CAMKK1: variants seen among roughly 807,000 people sequenced by gnomAD.
CAMKK1 encodes calcium/calmodulin dependent protein kinase kinase 1, also known as calcium/calmodulin-dependent protein kinase kinase 1.
In CAMKK1, 20 loss-of-function variants were observed where a neutral mutation model predicts 63.5. That is an observed-to-expected ratio of 0.32 (90% CI 0.22 to 0.46). The LOEUF (loss-of-function observed/expected upper bound fraction) is 0.46, where lower values mean the gene tolerates loss of function less well. Ranked by LOEUF, CAMKK1 falls within the 20% of genes least tolerant of loss-of-function variation. The pLI is 1.00. For missense variants in CAMKK1, 588 were observed against 658.1 expected, an observed-to-expected ratio of 0.89 and a Z score of 1.17; for synonymous variants, 253 against 269.0, an observed-to-expected ratio of 0.94 and a Z score of 0.58.
rs1369814995 is a variant in CAMKK1 at position 3,892,478 on chromosome 17, G to GCGCCGC, written c.-44+455_-44+460dup. On this transcript the variant is annotated intron_variant, in intron 1 of 15. Coordinates refer to ENST00000348335, the MANE Select transcript of CAMKK1 (RefSeq NM_032294.3). The surrounding 1 kb of genome is among the most constrained non-coding windows in gnomAD (Gnocchi z 7.5). ...CAGGACCCTGCGCAGCCTGAGCCGC[G>GCGCCGC]CGCCGCCGCCGCCCCATTCATCTCC... 6.6e-6 allele frequency among the ~76,000 whole-genome samples: 1 copy of GCGCCGC among 152,086 alleles called. No homozygotes were observed. The highest frequency in any genetic ancestry group is 1.5e-5 in the Non-Finnish European group (1 of 67,990).
At chr17:3,869,045 G>C (rs539447664) in intron 14 of CAMKK1, among the ~76,000 whole-genome samples, 1 of 147,322 alleles carries the variant, frequency 6.8e-6, no homozygotes, top group South Asian at 2.2e-4. Context: ...CTCGGCTCAC[G>C]GCAAACTCCA....
Position 3,885,488 on chromosome 17 carries a change from C to T in CAMKK1, c.200G>A (p.Ser67Asn). 2.5e-6 allele frequency: 4 copies of T among 1,613,478 alleles called. No individual in the cohort carries two copies. In the South Asian group the frequency reaches 3.3e-5, roughly 13 times the overall value. ...STSRLLPARP[S>N]LSARKLSLQE... ...TAGGGAAAGCTTCCTGGCTGAGAGG[C>T]TAGGCCGGGCTGGGAGCAGTCTTGA... The change falls in exon 2 of 16, where the codon AGC (serine) becomes AAC (asparagine). Residue 67 changes from serine to asparagine, a missense_variant. Transcript: ENST00000348335.
intron 10 of CAMKK1, among the ~76,000 whole-genome samples, chr17:3,875,101 G>A (rs999840824): frequency 5.3e-5 from 8 of 152,038 alleles, no homozygotes; most frequent in African/African-American, 7.2e-5. Flanking sequence ...CAGCCTGGGC[G>A]ACAGAGCGAG....
chr17:3,891,567 G>T (rs2143917811), intron 1 of CAMKK1, among the ~76,000 whole-genome samples: 1 of 152,316 alleles, frequency 6.6e-6, no homozygotes, highest in Admixed American at 6.5e-5. Flanking sequence ...TCAGTATGAA[G>T]AACAGCAGGG....
chr17:3,876,461 G>C, intron 9 of CAMKK1, 39 bp from the exon 10 acceptor site: 1 of 1,569,322 alleles, frequency 6.4e-7, no homozygotes, highest in Non-Finnish European at 8.8e-7. Context: ...GCTGGCCTGG[G>C]CACCGCTGGC....
At chr17:3,869,970 G>A (rs1326136959) in intron 12 of CAMKK1, 82 bp from the exon 13 acceptor site, 14 of 1,152,940 alleles carry the variant, frequency 1.2e-5, no homozygotes, top group South Asian at 6.2e-5. Context: ...CGAAACCTTC[G>A]TCCCTCGGAT....
intron 14 of CAMKK1, among the ~76,000 whole-genome samples, chr17:3,869,172 T>C (rs1427984171): frequency 1.3e-5 from 2 of 151,170 alleles, no homozygotes; most frequent in Admixed American, 1.3e-4. Flanking sequence ...GTTTCAAGGA[T>C]GGTCTCGATC....
intron 14 of CAMKK1, 30 bp from the exon 15 acceptor site, chr17:3,866,041 C>T: frequency 6.2e-7 from 1 of 1,609,724 alleles, no homozygotes; most frequent in African/African-American, 1.3e-5. Context: ...GTGAGGAGCA[C>T]AGGTCCCAGG....
chr17:3,888,505 C>T (rs930662909), intron 1 of CAMKK1, among the ~76,000 whole-genome samples: 1 of 152,326 alleles, frequency 6.6e-6, no homozygotes, highest in Non-Finnish European at 1.5e-5. Context: ...TTTCCTCGCC[C>T]GCAAGATGGG....
At position 3,884,277 on chromosome 17, in the gene CAMKK1, G is replaced by C. The variant is rs547069560; in HGVS notation, c.408+103C>G. ...GAAACTGTCCTCACCTCCAGGCTAG[G>C]ACTTGCCTGGCTCTGCCTCCCGTTC... On this transcript the variant is annotated intron_variant, in intron 3 of 15. Transcript: ENST00000348335. The surrounding 1 kb of genome is among the most constrained non-coding windows in gnomAD (Gnocchi z 4.5). The C allele has an allele frequency of 7.0e-6, 9 of 1,289,838 alleles. No individual in the cohort carries two copies. The African/African-American group carries it at 1.2e-4, about 17-fold the overall frequency. 79.9% of individuals were successfully genotyped at this position (1,289,838 alleles called of 1,614,324 possible).
Position 3,882,487 on chromosome 17 carries a change from GC to G in CAMKK1, c.685+40del. ...ATGTCCCAAGGGAGCCCTTGGGCCA[GC>G]CCTGAGTGAGCTGCTGTGGGAATGA... On this transcript the variant is annotated intron_variant, in intron 7 of 15. Coordinates refer to ENST00000348335, the MANE Select transcript of CAMKK1 (RefSeq NM_032294.3). The surrounding 1 kb of genome is among the most constrained non-coding windows in gnomAD (Gnocchi z 4.3). The G allele has an allele frequency of 6.2e-7, 1 of 1,600,140 alleles. No homozygotes were observed. Among genetic ancestry groups the G allele is most frequent in the East Asian group, 2.2e-5 (1 of 44,446 alleles).
Position 3,885,388 on chromosome 17 carries a change from G to T in CAMKK1, c.300C>A (p.Ser100=), listed in dbSNP as rs1452742752. The change falls in exon 2 of 16, where the codon TCC becomes TCA. Residue 100 remains serine, a synonymous_variant. Transcript: ENST00000348335. Reference sequence around the variant, plus strand: ...TGGTGGGCCTCCGCCAGGCCCGGGGGGAGATGTGGCTGGCAGGCCCCGTGG... The same window carrying T: ...TGGTGGGCCTCCGCCAGGCCCGGGGTGAGATGTGGCTGGCAGGCCCCGTGG... ...PYATGPASHI[S]PRAWRRPTIE... 2 of 1,611,474 alleles carry T rather than the reference G, an allele frequency of 1.2e-6. No homozygotes were observed. The highest frequency in any genetic ancestry group is 4.5e-5 in the East Asian group (2 of 44,816).
At chr17:3,877,107 G>A (rs186351932) in intron 9 of CAMKK1, among the ~76,000 whole-genome samples, 25 of 152,160 alleles carry the variant, frequency 1.6e-4, no homozygotes, top group South Asian at 8.3e-4. Flanking sequence ...TGTGAGTGCC[G>A]TCTGCAGGCC....
intron 12 of CAMKK1, among the ~76,000 whole-genome samples, chr17:3,872,083 G>A (rs762660587): frequency 3.3e-5 from 5 of 152,220 alleles, no homozygotes; most frequent in African/African-American, 7.2e-5. Flanking sequence ...CAGAGACCTC[G>A]GTCACAATGG....
At chr17:3,880,180 A>C in intron 9 of CAMKK1, 166 bp downstream of exon 9, 78 of 558,696 alleles carry the variant, frequency 1.4e-4, no homozygotes, top group Middle Eastern at 5.0e-4. Flanking sequence ...CCCACCCCAC[A>C]AAAAGGCCTT....
At chr17:3,870,115 G>A (rs1051747286) in intron 12 of CAMKK1, among the ~76,000 whole-genome samples, 2 of 152,158 alleles carry the variant, frequency 1.3e-5, no homozygotes, top group African/African-American at 4.8e-5. Flanking sequence ...CACCCCAATG[G>A]GTGGCAAAGA....
Position 3,865,578 on chromosome 17 carries a change from A to G in CAMKK1, c.1445+330T>C, listed in dbSNP as rs1448365246. ...GGGGGCCACAGATTTGAAGCCCCAG[A>G]GGGGCTGGACCCAGTGAGAGAGTGA... is the stretch of plus-strand genomic sequence containing the variant. On this transcript the variant is annotated intron_variant, in intron 15 of 15. Transcript: ENST00000348335. 8 of 1,100,714 alleles carry G rather than the reference A, an allele frequency of 7.3e-6. No homozygotes were observed. The East Asian group carries it at 2.3e-4, about 32-fold the overall frequency. 68.2% of individuals were successfully genotyped at this position (1,100,714 alleles called of 1,614,324 possible).
Position 3,890,284 on chromosome 17 carries a change from C to T in CAMKK1, c.-44+2655G>A, listed in dbSNP as rs367659823. Among the ~76,000 whole-genome samples the T allele has an allele frequency of 5.9e-5, 9 of 152,144 alleles. No homozygotes were observed. Among genetic ancestry groups the T allele is most frequent in the Admixed American group, 2.0e-4 (3 of 15,282 alleles). ...TGCTTGACGACTCCTGCTGTGAGGACGCCCGCTCCCACCATCCCTGGGGAG... is the reference window on the plus strand; with the variant it reads ...TGCTTGACGACTCCTGCTGTGAGGATGCCCGCTCCCACCATCCCTGGGGAG... On this transcript the variant is annotated intron_variant, in intron 1 of 15. Transcript: ENST00000348335. This position sits in a 1 kb window ranked among gnomAD's most constrained non-coding sequence, Gnocchi z 6.5.
At position 3,880,359 on chromosome 17, in the gene CAMKK1, C is replaced by T; in HGVS notation, c.783G>A (p.Leu261=). Residue 261 remains leucine (L), a synonymous_variant, in exon 9 of 16, where the codon CTG becomes CTA. Transcript: ENST00000348335. The stretch of plus-strand genomic sequence containing the variant: ...CCCCGCACTCACAGTACTCGAGGCC[C>T]AGGATGACGTCCCGCAGGTAGAGGC... ...QARLYLRDVI[L]GLEYLHCQKI... is the part of the protein sequence containing the mutation. 6.2e-7 allele frequency: 1 copy of T among 1,613,988 alleles called. No homozygotes were observed. The highest frequency in any genetic ancestry group is 8.5e-7 in the Non-Finnish European group (1 of 1,179,980).
Sources: gnomAD v4.1 joint callset for allele counts (sites outside exome capture counted in the v4.1 genomes callset) on GRCh38, gnomAD v4.1.1 for gene constraint, Gnocchi (gnomAD v3.1) non-coding constraint, MANE v1.5 for transcripts, NCBI Gene and HGNC (gene_info 2026-07-23, HGNC 2026-07-21) for gene names.